The following DLG2 variants were observed in gnomAD, a reference collection of about 807,000 sequenced individuals.
DLG2 encodes discs large MAGUK scaffold protein 2, also known as disks large homolog 2.
In DLG2, 45 loss-of-function variants were observed where a neutral mutation model predicts 132.5. The ratio of observed to expected loss-of-function variants is 0.34; its 90% CI spans 0.27 to 0.44. The LOEUF (loss-of-function observed/expected upper bound fraction) is 0.44, where lower values mean the gene tolerates loss of function less well. DLG2 is among the 20% of genes least tolerant of loss of function. The pLI is 1.00. For missense variants in DLG2, 1,045 were observed against 1,196.9 expected (o/e 0.87, Z 1.87); for synonymous variants, 424 against 419.6 (o/e 1.01, Z -0.13).
intron 6 of DLG2, among the ~76,000 whole-genome samples, chr11:84,768,553 A>C (rs1434314552): frequency 6.6e-6 from 1 of 152,168 alleles, no homozygotes; most frequent in Non-Finnish European, 1.5e-5. Context: ...TACTTCATAA[A>C]ATAAAAAATG....
At chr11:85,157,433 C>T (rs554416324) in intron 4 of DLG2, among the ~76,000 whole-genome samples, 1 of 152,166 alleles carries the variant, frequency 6.6e-6, no homozygotes, top group South Asian at 2.1e-4. Flanking sequence ...TTGGCATGAA[C>T]TGTTTAGAGA....
intron 6 of DLG2, chr11:84,887,126 A>T (rs2088469823): frequency 6.6e-6 from 1 of 152,154 alleles, no homozygotes; most frequent in African/African-American, 2.4e-5. Flanking sequence ...TTAGGTTCTG[A>T]TATGAAAGAG....
chr11:84,813,381 GGAGAT>G, intron 6 of DLG2, among the ~76,000 whole-genome samples: 1 of 151,980 alleles, frequency 6.6e-6, no homozygotes, highest in Non-Finnish European at 1.5e-5. Context: ...ACTTCCCGGA[GGAGAT>G]AACTGAGGTA....
intron 18 of DLG2, among the ~76,000 whole-genome samples, chr11:83,665,240 A>G (rs2075274865): frequency 6.6e-6 from 1 of 152,200 alleles, no homozygotes; most frequent in African/African-American, 2.4e-5. Context: ...AATCTTGCAT[A>G]GAAGAGGCTG....
At chr11:84,256,416 G>A (rs1270491493) in intron 7 of DLG2, among the ~76,000 whole-genome samples, 2 of 152,034 alleles carry the variant, frequency 1.3e-5, no homozygotes, top group East Asian at 1.9e-4. Context: ...CTAATCAGTG[G>A]GAAGGTCAAA....
intron 7 of DLG2, among the ~76,000 whole-genome samples, chr11:84,532,298 A>G (rs570703910): frequency 3.3e-5 from 5 of 152,152 alleles, no homozygotes; most frequent in Admixed American, 1.3e-4. Context: ...CTTATTTCAA[A>G]TATTTCATCT....
chr11:85,486,961 A>C (rs2093443317), intron 3 of DLG2, among the ~76,000 whole-genome samples: 1 of 151,718 alleles, frequency 6.6e-6, no homozygotes, highest in Non-Finnish European at 1.5e-5. Context: ...AGTCCCATGC[A>C]TAACTTCACC....
chr11:84,952,771 A>G (rs920092199), intron 6 of DLG2, among the ~76,000 whole-genome samples: 1 of 152,232 alleles, frequency 6.6e-6, no homozygotes, highest in Non-Finnish European at 1.5e-5. Flanking sequence ...TCCCAGAACT[A>G]CATTGCTGAA....
intron 6 of DLG2, among the ~76,000 whole-genome samples, chr11:84,667,431 T>A (rs2099700782): frequency 1.3e-5 from 2 of 151,626 alleles, no homozygotes; most frequent in African/African-American, 4.8e-5. Flanking sequence ...AATAAAAAAA[T>A]TGAGAGGAAA....
intron 3 of DLG2, among the ~76,000 whole-genome samples, chr11:85,288,917 CGCTATGCATTTATAT>C (rs1449690053): frequency 3.3e-5 from 5 of 151,980 alleles, no homozygotes; most frequent in Non-Finnish European, 7.4e-5. Context: ...ATCATACTCA[CGCTATGCATTTATAT>C]CAATAAGCTG....
intron 4 of DLG2, among the ~76,000 whole-genome samples, chr11:85,198,822 C>G (rs1177265664): frequency 6.6e-6 from 1 of 152,134 alleles, no homozygotes; most frequent in African/African-American, 2.4e-5. Flanking sequence ...ACTTGCCACA[C>G]TTAAATTCTC....
intron 21 of DLG2, among the ~76,000 whole-genome samples, chr11:83,493,225 C>T (rs1053893922): frequency 2.6e-5 from 4 of 152,058 alleles, no homozygotes; most frequent in African/African-American, 7.2e-5. Flanking sequence ...TTCCTCACAT[C>T]GTTCAGAGTT....
chr11:84,204,983 C>A (rs982821923), intron 8 of DLG2, among the ~76,000 whole-genome samples: 1 of 152,130 alleles, frequency 6.6e-6, no homozygotes, highest in Non-Finnish European at 1.5e-5. Flanking sequence ...GGATTACAGG[C>A]GTGAGTCACC....
intron 11 of DLG2, among the ~76,000 whole-genome samples, chr11:83,985,822 G>C (rs2093240066): frequency 6.6e-6 from 1 of 152,010 alleles, no homozygotes; most frequent in African/African-American, 2.4e-5. Context: ...GAAAATACAT[G>C]TGTATTTATC....
chr11:83,837,011 C>G (rs1270221857), intron 16 of DLG2, among the ~76,000 whole-genome samples: 1 of 152,118 alleles, frequency 6.6e-6, no homozygotes, highest in Admixed American at 6.5e-5. Flanking sequence ...CCACTAACAC[C>G]AATCGGGGAG....
chr11:83,871,275 T>G (rs2063387944), intron 16 of DLG2, among the ~76,000 whole-genome samples: 1 of 152,192 alleles, frequency 6.6e-6, no homozygotes, highest in African/African-American at 2.4e-5. Flanking sequence ...CTGGCATAAT[T>G]ATAGATGATT....
intron 16 of DLG2, among the ~76,000 whole-genome samples, chr11:83,843,203 C>T (rs77240794): frequency 0.13 from 19,368 of 152,114 alleles, 1,461 homozygotes; most frequent in Non-Finnish European, 0.16. Flanking sequence ...AGTTGCCAAC[C>T]ACAGCTTCTC....
chr11:84,487,899 G>T (rs1302027306), intron 7 of DLG2, among the ~76,000 whole-genome samples: 1 of 152,092 alleles, frequency 6.6e-6, no homozygotes, highest in Non-Finnish European at 1.5e-5. Flanking sequence ...AACAAATACG[G>T]AAGGAAAAAG....
intron 7 of DLG2, among the ~76,000 whole-genome samples, chr11:84,300,373 T>G (rs2098138498): frequency 6.6e-6 from 1 of 152,272 alleles, no homozygotes; most frequent in Non-Finnish European, 1.5e-5. Flanking sequence ...AAAAAGAACA[T>G]TCAGCTCTTT....
Sources: gnomAD v4.1 joint callset for allele counts (sites outside exome capture counted in the v4.1 genomes callset) on GRCh38, gnomAD v4.1.1 for gene constraint, MANE v1.5 for transcripts, NCBI Gene and HGNC (gene_info 2026-07-23, HGNC 2026-07-21) for gene names.